Variants in ZNF724 observed in about 807,000 individuals in gnomAD.
ZNF724 encodes the protein zinc finger protein 724.
In ZNF724, 14 loss-of-function variants were observed where a neutral mutation model predicts 29.3. That is an observed-to-expected ratio of 0.48 (90% CI 0.32 to 0.75). ZNF724 has a LOEUF of 0.75. Ranked by LOEUF, ZNF724 falls within the 30% of genes least tolerant of loss-of-function variation. The pLI, the probability that ZNF724 is intolerant of heterozygous loss-of-function variation, is 0.04. For synonymous variants in ZNF724, 180 were observed against 193.6 expected, an observed-to-expected ratio of 0.93 and a Z score of 0.58; for missense variants, 557 against 571.2, an observed-to-expected ratio of 0.98 and a Z score of 0.25.
chr19:23,248,568 C>G (rs1379425166), intron 1 of ZNF724, among the ~76,000 whole-genome samples: 1 of 148,296 alleles, frequency 6.7e-6, no homozygotes, highest in Admixed American at 6.8e-5. Flanking sequence ...GAAAAAAAAT[C>G]TAACTCAAAT....
intron 1 of ZNF724, among the ~76,000 whole-genome samples, chr19:23,248,476 T>C (rs926755711): frequency 9.2e-5 from 14 of 151,812 alleles, no homozygotes; most frequent in African/African-American, 3.4e-4. Context: ...GCGGGGAAAA[T>C]CAGTCCTCTG....
chr19:23,230,545 CAG>C (rs1378824552), intron 3 of ZNF724, among the ~76,000 whole-genome samples: 17 of 151,914 alleles, frequency 1.1e-4, no homozygotes, highest in African/African-American at 3.9e-4. Flanking sequence ...AAAAATGAAA[CAG>C]AAACCACTAC....
At chr19:23,238,621 A>G (rs1972062727) in intron 1 of ZNF724, among the ~76,000 whole-genome samples, 1 of 152,136 alleles carries the variant, frequency 6.6e-6, no homozygotes, top group Non-Finnish European at 1.5e-5. Flanking sequence ...TCTCCTATAA[A>G]AGCCAAATCT....
At chr19:23,248,440 C>A (rs936805628) in intron 1 of ZNF724, among the ~76,000 whole-genome samples, 19 of 152,024 alleles carry the variant, frequency 1.2e-4, no homozygotes, top group African/African-American at 4.6e-4. Flanking sequence ...ACACGGGAGA[C>A]CCTGCTTGGA....
chr19:23,238,055 C>T (rs1215563825), intron 1 of ZNF724, among the ~76,000 whole-genome samples: 4 of 151,848 alleles, frequency 2.6e-5, no homozygotes, highest in Non-Finnish European at 5.9e-5. Context: ...CTAGACAAAT[C>T]TGTATCTACT....
chr19:23,224,556 C>T (rs749763068), intron 3 of ZNF724, among the ~76,000 whole-genome samples: 4 of 151,952 alleles, frequency 2.6e-5, no homozygotes, highest in East Asian at 1.9e-4. Context: ...GTACAGTGCC[C>T]CAGGAGGTGA....
At chr19:23,244,287 T>C (rs1438493258) in intron 1 of ZNF724, among the ~76,000 whole-genome samples, 2 of 152,042 alleles carry the variant, frequency 1.3e-5, no homozygotes, top group East Asian at 3.8e-4. Context: ...GTAGACACTT[T>C]TGAAGGATTT....
intron 3 of ZNF724, among the ~76,000 whole-genome samples, chr19:23,224,717 G>A (rs1351477132): frequency 1.2e-4 from 5 of 40,922 alleles, no homozygotes; most frequent in Non-Finnish European, 1.7e-4. Context: ...ACACTTTGGC[G>A]TGCCGGGTGG....
At chr19:23,241,754 T>C (rs1435691156) in intron 1 of ZNF724, among the ~76,000 whole-genome samples, 3 of 152,176 alleles carry the variant, frequency 2.0e-5, no homozygotes, top group African/African-American at 7.2e-5. Context: ...TAATGAGTTA[T>C]CTATGACAAA....
intron 3 of ZNF724, among the ~76,000 whole-genome samples, chr19:23,229,222 G>A (rs1971892044): frequency 6.6e-6 from 1 of 151,540 alleles, no homozygotes; most frequent in South Asian, 2.1e-4. Flanking sequence ...GCTACAGACT[G>A]AAAAATAGCC....
At chr19:23,228,621 C>T (rs1243813316) in intron 3 of ZNF724, among the ~76,000 whole-genome samples, 4 of 151,892 alleles carry the variant, frequency 2.6e-5, no homozygotes. Flanking sequence ...CAGGCATGGC[C>T]GGGCACGATG....
At chr19:23,235,776 G>C (rs1264431318) in intron 1 of ZNF724, among the ~76,000 whole-genome samples, 1 of 152,120 alleles carries the variant, frequency 6.6e-6, no homozygotes, top group East Asian at 1.9e-4. Context: ...ATCACCTCTA[G>C]TAATTCTAGA....
chr19:23,247,759 C>T (rs1972267862), intron 1 of ZNF724, among the ~76,000 whole-genome samples: 1 of 152,194 alleles, frequency 6.6e-6, no homozygotes, highest in South Asian at 2.1e-4. Flanking sequence ...CGTCTGATCG[C>T]TGACCAGCAA....
chr19:23,227,937 C>T (rs566131531), intron 3 of ZNF724, among the ~76,000 whole-genome samples: 49 of 151,964 alleles, frequency 3.2e-4, no homozygotes, highest in African/African-American at 9.9e-4. Flanking sequence ...ATTAGTTTGA[C>T]GGAAAAATAA....
At chr19:23,237,933 T>A (rs1302512698) in intron 1 of ZNF724, among the ~76,000 whole-genome samples, 1 of 152,190 alleles carries the variant, frequency 6.6e-6, no homozygotes, top group Non-Finnish European at 1.5e-5. Flanking sequence ...GATAATCAGT[T>A]TTTTGTCAAA....
chr19:23,225,897 G>A (rs1232853921), intron 3 of ZNF724, among the ~76,000 whole-genome samples: 3 of 151,938 alleles, frequency 2.0e-5, no homozygotes, highest in Non-Finnish European at 4.4e-5. Context: ...TGTCACCCAA[G>A]CTGAAATACA....
At chr19:23,247,267 AG>A (rs1258363921) in intron 1 of ZNF724, among the ~76,000 whole-genome samples, 1 of 152,188 alleles carries the variant, frequency 6.6e-6, no homozygotes, top group Admixed American at 6.5e-5. Context: ...CTAAACTCAC[AG>A]TGGGGAAAAA....
intron 1 of ZNF724, among the ~76,000 whole-genome samples, chr19:23,234,460 T>A (rs1489351101): frequency 1.3e-5 from 2 of 152,164 alleles, no homozygotes; most frequent in African/African-American, 2.4e-5. Flanking sequence ...TTGCAATTTT[T>A]TTTTTTTTTA....
chr19:23,231,924 G>A (rs8100344), intron 2 of ZNF724, among the ~76,000 whole-genome samples: 129,328 of 151,904 alleles, frequency 0.85, 55,093 homozygotes, highest in South Asian at 0.93. Context: ...TTAAGTAGAG[G>A]TGGGGTTTCA....
Sources: gnomAD v4.1 joint callset for allele counts (sites outside exome capture counted in the v4.1 genomes callset) on GRCh38, gnomAD v4.1.1 for gene constraint, MANE v1.5 for transcripts, NCBI Gene and HGNC (gene_info 2026-07-23, HGNC 2026-07-21) for gene names.